Variants in PCDH11X observed in about 807,000 individuals in gnomAD.
PCDH11X encodes protocadherin-11 X-linked.
PCDH11X carries 18 observed loss-of-function variants against 53.3 expected under a neutral mutation model. The observed-to-expected ratio is 0.34, with a 90% CI of 0.23 to 0.50. PCDH11X has a LOEUF of 0.50. Ranked by LOEUF, PCDH11X falls within the 20% of genes least tolerant of loss-of-function variation. The pLI, the probability that PCDH11X is intolerant of heterozygous loss-of-function variation, is 0.98. For synonymous variants in PCDH11X, 279 were observed against 393.3 expected (o/e 0.71, Z 3.44); for missense variants, 570 against 1,032.4 (o/e 0.55, Z 6.14).
At chrX:92,209,657 G>A (rs907254020) in intron 7 of PCDH11X, among the ~76,000 whole-genome samples, 8 of 111,682 alleles carry the variant, frequency 7.2e-5, no homozygotes, top group African/African-American at 2.6e-4. Flanking sequence ...CCATTCTGGG[G>A]TCTGGAAAAC....
At chrX:91,883,426 C>G in intron 6 of PCDH11X, 1 of 751,928 alleles carries the variant, frequency 1.3e-6, no homozygotes, top group Non-Finnish European at 1.6e-6. Context: ...AAAAACAAAA[C>G]CAAAACACTC....
At chrX:92,486,544 A>C (rs1216587263) in intron 10 of PCDH11X, among the ~76,000 whole-genome samples, 1 of 111,825 alleles carries the variant, frequency 8.9e-6, no homozygotes, top group Non-Finnish European at 1.9e-5. Flanking sequence ...ATTGACTCTC[A>C]CAAGTCACAA....
intron 8 of PCDH11X, among the ~76,000 whole-genome samples, chrX:92,305,580 T>G (rs1316076507): frequency 9.1e-6 from 1 of 110,376 alleles, no homozygotes; most frequent in Non-Finnish European, 1.9e-5. Flanking sequence ...CTAAAGGCCC[T>G]ATTTGCAAGT....
intron 10 of PCDH11X, among the ~76,000 whole-genome samples, chrX:92,508,270 C>A (rs2074102079): frequency 9.1e-6 from 1 of 109,652 alleles, no homozygotes; most frequent in African/African-American, 3.3e-5. Flanking sequence ...GTAGCCCAGA[C>A]TGGAAGGCAG....
At chrX:92,479,655 T>C (rs868799088) in intron 10 of PCDH11X, among the ~76,000 whole-genome samples, 1 of 109,572 alleles carries the variant, frequency 9.1e-6, no homozygotes, top group Middle Eastern at 4.7e-3. Context: ...GGGTTGAAAT[T>C]TCTTTAAGAA....
chrX:91,808,417 C>T lies in PCDH11X; in HGVS notation c.-378-1049C>T, dbSNP rs1171575861. 2.7e-5 allele frequency among the ~76,000 whole-genome samples: 3 copies of T among 109,375 alleles called. No homozygotes were observed. The East Asian group carries it at 8.6e-4, about 31-fold the overall frequency. 95.0% of individuals were successfully genotyped at this position (109,375 alleles called of 115,157 possible). A position where few individuals can be genotyped will look rare whatever the true frequency, so the allele number is the denominator to read the frequency against. Reference sequence around the variant, plus strand: ...GGCTGAGGCAGGACAATTGCTTGAACCCGGGAGACGGAGGTTGCAGTGAGC... The same window carrying T: ...GGCTGAGGCAGGACAATTGCTTGAATCCGGGAGACGGAGGTTGCAGTGAGC... On this transcript the variant is annotated intron_variant, in intron 1 of 10. Coordinates refer to ENST00000682573, the MANE Select transcript of PCDH11X (RefSeq NM_032968.5).
At chrX:92,521,185 A>G (rs1298644665) in intron 10 of PCDH11X, among the ~76,000 whole-genome samples, 4 of 112,114 alleles carry the variant, frequency 3.6e-5, no homozygotes, top group African/African-American at 1.3e-4. Flanking sequence ...ACACAGATGT[A>G]TCAGAGGAAT....
chrX:92,321,991 A>G (rs2069226193), intron 8 of PCDH11X, among the ~76,000 whole-genome samples: 1 of 106,665 alleles, frequency 9.4e-6, no homozygotes, highest in Non-Finnish European at 1.9e-5. Context: ...TCTATTTTTA[A>G]AGCTTTTCCA....
intron 5 of PCDH11X, among the ~76,000 whole-genome samples, chrX:91,840,419 C>T (rs749021229): frequency 1.8e-5 from 2 of 111,516 alleles, no homozygotes; most frequent in South Asian, 7.5e-4. Context: ...CTACCCATCC[C>T]ATAAGGCATC....
chrX:91,931,252 G>C (rs2061381226), intron 6 of PCDH11X, among the ~76,000 whole-genome samples: 2 of 109,632 alleles, frequency 1.8e-5, no homozygotes, highest in African/African-American at 6.7e-5. Flanking sequence ...TTTTTAGCTT[G>C]TTCCAATTTA....
At chrX:92,207,613 C>T (rs137961744) in intron 7 of PCDH11X, among the ~76,000 whole-genome samples, 2,692 of 111,633 alleles carry the variant, frequency 0.024, 55 homozygotes, top group African/African-American at 0.084. Context: ...TCATTAAATA[C>T]AATATTTTGT....
chrX:91,958,135 C>G (rs1158223156), intron 6 of PCDH11X, among the ~76,000 whole-genome samples: 2 of 111,565 alleles, frequency 1.8e-5, no homozygotes, highest in Admixed American at 9.5e-5. Flanking sequence ...GCTGGAATAG[C>G]TGAGTCTACC....
At chrX:92,256,118 G>A (rs1225310284) in intron 7 of PCDH11X, among the ~76,000 whole-genome samples, 1 of 111,700 alleles carries the variant, frequency 9.0e-6, no homozygotes, top group African/African-American at 3.3e-5. Context: ...GAGCCAGGTG[G>A]GGGATATAAT....
chrX:92,452,593 G>C (rs2072821916), intron 9 of PCDH11X, among the ~76,000 whole-genome samples: 1 of 95,234 alleles, frequency 1.1e-5, no homozygotes. Context: ...CACCTCCTGG[G>C]TTCAAGCAAT....
At chrX:92,515,058 A>G (rs1371838355) in intron 10 of PCDH11X, among the ~76,000 whole-genome samples, 1 of 97,040 alleles carries the variant, frequency 1.0e-5, no homozygotes, top group Non-Finnish European at 2.1e-5. Flanking sequence ...AAAAAAAAAA[A>G]AAAAAGAAAA....
chrX:92,360,551 A>T (rs181753836), intron 8 of PCDH11X, among the ~76,000 whole-genome samples: 1,270 of 110,009 alleles, frequency 0.012, 12 homozygotes, highest in African/African-American at 0.04. Flanking sequence ...AATATTGGAG[A>T]TCAGCCAACT....
intron 6 of PCDH11X, among the ~76,000 whole-genome samples, chrX:92,071,256 G>A (rs1364067398): frequency 9.0e-6 from 1 of 110,811 alleles, no homozygotes; most frequent in Non-Finnish European, 1.9e-5. Context: ...TTGTCTGCTT[G>A]ATCACGTGTG....
intron 8 of PCDH11X, among the ~76,000 whole-genome samples, chrX:92,268,300 G>GT (rs199740544): frequency 0.23 from 24,232 of 103,885 alleles, 4,616 homozygotes; most frequent in East Asian, 0.77. Flanking sequence ...AGTATGTTTT[G>GT]TTTTTTTTTT....
At chrX:92,328,668 C>T (rs1053712635) in intron 8 of PCDH11X, among the ~76,000 whole-genome samples, 4 of 110,687 alleles carry the variant, frequency 3.6e-5, no homozygotes, top group Non-Finnish European at 5.7e-5. Flanking sequence ...ATACTGTATA[C>T]GTTTGACAAC....
Sources: allele counts gnomAD v4.1 joint callset (sites outside exome capture counted in the v4.1 genomes callset), GRCh38; gene constraint gnomAD v4.1.1; transcripts MANE v1.5; gene names NCBI Gene and HGNC (gene_info 2026-07-23, HGNC 2026-07-21).